The following HLA-DQA2 variants were observed in gnomAD, a reference collection of about 807,000 sequenced individuals.
The protein encoded by HLA-DQA2 is HLA class II histocompatibility antigen, DQ alpha 2 chain.
A neutral mutation model predicts 21.0 loss-of-function variants in HLA-DQA2; 17 were observed. The ratio of observed to expected loss-of-function variants is 0.81; its 90% CI spans 0.56 to 1.22. The LOEUF (loss-of-function observed/expected upper bound fraction) is 1.22, where lower values mean the gene tolerates loss of function less well. Among genes scored for constraint, HLA-DQA2 ranks in the 50% most tolerant of loss-of-function variants. The pLI is 0.00. For synonymous variants in HLA-DQA2, 81 were observed against 116.5 expected (o/e 0.70, Z 1.96); for missense variants, 239 against 308.8 (o/e 0.77, Z 1.69).
At chr6:32,742,885 T>TGA (rs1763309771) in intron 1 of HLA-DQA2, among the ~76,000 whole-genome samples, 3 of 128,292 alleles carry the variant, frequency 2.3e-5, no homozygotes, top group Non-Finnish European at 5.0e-5. Context: ...TTTTTTTTTT[T>TGA]GACGGAGTCT....
intron 1 of HLA-DQA2, among the ~76,000 whole-genome samples, chr6:32,742,869 CTTTT>C (rs28993556): frequency 2.5e-4 from 35 of 140,224 alleles, no homozygotes; most frequent in Non-Finnish European, 2.6e-4. Flanking sequence ...AATGTTTTAA[CTTTT>C]TTTTTTTTTT....
chr6:32,743,822 A>G (rs1459424579), intron 1 of HLA-DQA2, among the ~76,000 whole-genome samples: 5 of 151,696 alleles, frequency 3.3e-5, no homozygotes, highest in African/African-American at 4.8e-5. Context: ...AGAGCCAGAC[A>G]TTGAGATTCC....
rs1450484433 is a variant in HLA-DQA2, at chr6:32,746,360, C to T, written c.734C>T (p.Ser245Leu). The T allele has an allele frequency of 1.2e-6, 2 of 1,613,030 alleles. No homozygotes were observed. Among genetic ancestry groups the T allele is most frequent in the South Asian group, 1.1e-5 (1 of 91,074 alleles). ...GTVFIIQGLR[S>L]VGASRHQGLL is the part of the protein sequence containing the mutation. ...GTCTTCATCATCCAAGGCCTGCGTTCAGTTGGTGCTTCCAGACACCAAGGG... is the reference window on the plus strand; with the variant it reads ...GTCTTCATCATCCAAGGCCTGCGTTTAGTTGGTGCTTCCAGACACCAAGGG... Residue 245 changes from serine to leucine, a missense_variant, in exon 4 of 5, where the codon TCA becomes TTA. By Grantham distance (145) the Ser-to-Leu change is moderately radical. Coordinates refer to ENST00000374940, the MANE Select transcript of HLA-DQA2 (RefSeq NM_020056.5).
chr6:32,744,500 C>T (rs980318816), intron 1 of HLA-DQA2, among the ~76,000 whole-genome samples: 1 of 151,808 alleles, frequency 6.6e-6, no homozygotes, highest in East Asian at 1.9e-4. Flanking sequence ...CAGAAGAAAT[C>T]AGGTGCTCTC....
In HLA-DQA2 at chr6:32,746,913, T is replaced by A. The variant is rs116570528; in HGVS notation, c.*352T>A. 2 of 340,156 alleles carry A rather than the reference T, an allele frequency of 5.9e-6. No individual in the cohort carries two copies. Among genetic ancestry groups the A allele is most frequent in the Middle Eastern group, 5.0e-4 (1 of 2,014 alleles). The allele number at this position is 340,156 out of a possible 1,614,324, so 21.1% of individuals were successfully genotyped here. On this transcript the variant is annotated 3_prime_UTR_variant, in exon 5 of 5. Coordinates refer to ENST00000374940, the MANE Select transcript of HLA-DQA2 (RefSeq NM_020056.5). The stretch of plus-strand genomic sequence containing the variant: ...TGATGCCTCTATTGAATTTTTCCCA[T>A]CTTTCATCTCAGGGCTGACTGAGAG...
At chr6:32,744,978 A>G (rs757965774) in intron 1 of HLA-DQA2, among the ~76,000 whole-genome samples, 181 bp from the exon 2 acceptor site, 1 of 150,110 alleles carries the variant, frequency 6.7e-6, no homozygotes, top group Non-Finnish European at 1.5e-5. Flanking sequence ...AGACAGAATC[A>G]GTTCTAACCT....
chr6:32,744,791 G>A (rs2113867740), intron 1 of HLA-DQA2, among the ~76,000 whole-genome samples: 1 of 152,034 alleles, frequency 6.6e-6, no homozygotes, highest in South Asian at 2.1e-4. Flanking sequence ...GGAAGCAGAG[G>A]GAAATAAACT....
Position 32,746,305 on chromosome 6 carries a change from G to A in HLA-DQA2, c.679G>A (p.Val227Met), listed in dbSNP as rs1414832703. Reference protein sequence around the residue: ...ETLVCALGLSVGLMGIVVGTV... With the variant: ...ETLVCALGLSMGLMGIVVGTV... ...TTTGGTCTGCGCCCTGGGGTTGTCT[G>A]TGGGCCTCATGGGCATTGTGGTGGG... Residue 227 changes from valine (V) to methionine (M), a missense_variant, in exon 4 of 5, where the codon GTG becomes ATG. Physicochemically the swap from Val to Met is conservative, Grantham distance 21. Coordinates refer to ENST00000374940, the MANE Select transcript of HLA-DQA2 (RefSeq NM_020056.5). 1 of 1,613,120 alleles carries A rather than the reference G, an allele frequency of 6.2e-7. No individual in the cohort carries two copies. Among genetic ancestry groups the A allele is most frequent in the Non-Finnish European group, 8.5e-7 (1 of 1,180,042 alleles).
chr6:32,742,997 C>G (rs1763323207), intron 1 of HLA-DQA2, among the ~76,000 whole-genome samples: 1 of 142,538 alleles, frequency 7.0e-6, no homozygotes, highest in Non-Finnish European at 1.5e-5. Context: ...TCCCGAGTAG[C>G]TGGGACTACA....
Position 32,746,692 on chromosome 6 carries a change from C to T in HLA-DQA2, c.*131C>T. 6.2e-6 allele frequency: 4 copies of T among 645,588 alleles called. No individual in the cohort carries two copies. Among genetic ancestry groups the T allele is most frequent in the East Asian group, 6.2e-5 (2 of 32,040 alleles). 40.0% of individuals were successfully genotyped at this position (645,588 alleles called of 1,614,324 possible). ...CTCCTCCAAATGTTTCTTCTCTCACCTCTTCTCTGGGACTTAAGGTGCTAT... is the reference window on the plus strand; with the variant it reads ...CTCCTCCAAATGTTTCTTCTCTCACTTCTTCTCTGGGACTTAAGGTGCTAT... On this transcript the variant is annotated 3_prime_UTR_variant, in exon 5 of 5. Coordinates refer to ENST00000374940, the MANE Select transcript of HLA-DQA2 (RefSeq NM_020056.5).
In HLA-DQA2 at chr6:32,746,225, G is replaced by T. The variant is rs1192643450; in HGVS notation, c.614-15G>T. The T allele has an allele frequency of 1.3e-5, 21 of 1,606,532 alleles. No homozygotes were observed. The highest frequency in any genetic ancestry group is 1.8e-5 in the Non-Finnish European group (21 of 1,175,752). ...CACACTGCACATTCTGACCTCAACA[G>T]CTCCACTTTCACAGAGCCTGAGATT... On this transcript the variant is annotated splice_polypyrimidine_tract_variant and intron_variant, in intron 3 of 4. Transcript: ENST00000374940.
In HLA-DQA2 at chr6:32,746,152, G is replaced by A. The variant is rs1582340721; in HGVS notation, c.613+80G>A. 5 of 1,499,330 alleles carry A rather than the reference G, an allele frequency of 3.3e-6. No individual in the cohort carries two copies. The East Asian group carries it at 1.4e-4, about 42-fold the overall frequency. The allele number at this position is 1,499,330 out of a possible 1,614,324, so 92.9% of individuals were successfully genotyped here. A position where few individuals can be genotyped will look rare whatever the true frequency, so the allele number is the denominator to read the frequency against. ...CCCTAAGCCTGGGGCCTTGAGTCTT[G>A]CAGAGCCAGCCCTCCACCCCATCCC... On this transcript the variant is annotated intron_variant, in intron 3 of 4. Transcript: ENST00000374940.
chr6:32,745,532 C>T lies in HLA-DQA2; in HGVS notation c.331+125C>T, dbSNP rs1562190235. ...TTGCTGAAATTTTATCATCTCCCATCTCTAAAATCACATATTCCCATGTAA... is the reference window on the plus strand; with the variant it reads ...TTGCTGAAATTTTATCATCTCCCATTTCTAAAATCACATATTCCCATGTAA... On this transcript the variant is annotated intron_variant, in intron 2 of 4. Coordinates refer to ENST00000374940, the MANE Select transcript of HLA-DQA2 (RefSeq NM_020056.5). 7 of 1,086,528 alleles carry T rather than the reference C, an allele frequency of 6.4e-6. No homozygotes were observed. The East Asian group carries it at 1.7e-4, about 26-fold the overall frequency. The allele number at this position is 1,086,528 out of a possible 1,614,324, so 67.3% of individuals were successfully genotyped here. A position where few individuals can be genotyped will look rare whatever the true frequency, so the allele number is the denominator to read the frequency against.
At chr6:32,747,183 C>CAAAAAAAAAAAAAAAAAAAAA (rs3040582) in exon 5 of HLA-DQA2, 4 of 126,108 alleles carry the variant, frequency 3.2e-5, no homozygotes, top group African/African-American at 1.3e-4. Flanking sequence ...AGCAGAAATA[C>CAAAAAAAAAAAAAAAAAAAAA]AAAAAAAAAA....
Position 32,741,699 on chromosome 6 carries a change from T to C in HLA-DQA2, c.82+174T>C, listed in dbSNP as rs1240650177. 2.0e-5 allele frequency among the ~76,000 whole-genome samples: 3 copies of C among 152,216 alleles called. No individual in the cohort carries two copies. The East Asian group carries it at 5.8e-4, about 29-fold the overall frequency. On this transcript the variant is annotated intron_variant, in intron 1 of 4. Transcript: ENST00000374940. ...AGGAAACCAGAGCTCCAACCGACTC[T>C]CTTTGCTACCTGTGCTATTGGAGTT...
rs1022009643 is a variant in HLA-DQA2 at position 32,746,873 on chromosome 6, C to G, written c.*312C>G. 2.9e-6 allele frequency: 1 copy of G among 340,134 alleles called. No individual in the cohort carries two copies. The highest frequency in any genetic ancestry group is 2.2e-5 in the African/African-American group (1 of 44,630). The allele number at this position is 340,134 out of a possible 1,614,324, so 21.1% of individuals were successfully genotyped here. ...CCTTTATCTAAAATCTCCATGGAAG[C>G]AATAAATTCCCTTTTGATGCCTCTA... On this transcript the variant is annotated 3_prime_UTR_variant, in exon 5 of 5. Coordinates refer to ENST00000374940, the MANE Select transcript of HLA-DQA2 (RefSeq NM_020056.5).
chr6:32,741,546 T>C, intron 1 of HLA-DQA2, 21 bp downstream of exon 1: 2 of 1,606,260 alleles, frequency 1.2e-6, no homozygotes, highest in Non-Finnish European at 1.7e-6. Context: ...GAGTGAGGAA[T>C]GTTCTCTGGA....
In HLA-DQA2 at chr6:32,741,491, C is replaced by T. The variant is rs144953122; in HGVS notation, c.48C>T (p.Ala16=). The change falls in exon 1 of 5, where the codon GCC becomes GCT. Residue 16 remains alanine (A), a synonymous_variant. Coordinates refer to ENST00000374940, the MANE Select transcript of HLA-DQA2 (RefSeq NM_020056.5). ...ALLLGALALT[A]VMSPCGGEDI... is the part of the protein sequence containing the mutation. ...TGCTGGGGGCCCTCGCCCTGACTGC[C>T]GTGATGAGCCCCTGTGGAGGTGAAG... The T allele has an allele frequency of 1.2e-5, 20 of 1,613,964 alleles. No homozygotes were observed. The highest frequency in any genetic ancestry group is 5.3e-5 in the African/African-American group (4 of 74,906).
At chr6:32,742,927 A>G (rs9276416) in intron 1 of HLA-DQA2, among the ~76,000 whole-genome samples, 70,721 of 133,844 alleles carry the variant, frequency 0.53, 19,519 homozygotes, top group East Asian at 0.69. Flanking sequence ...GTGCAGTGGC[A>G]CGATCTCGGC....
Sources: allele counts gnomAD v4.1 joint callset (sites outside exome capture counted in the v4.1 genomes callset), GRCh38; gene constraint gnomAD v4.1.1; transcripts MANE v1.5; gene names NCBI Gene and HGNC (gene_info 2026-07-23, HGNC 2026-07-21).